The following C5orf22 variants were observed in gnomAD, a reference collection of about 807,000 sequenced individuals.
C5orf22 encodes chromosome 5 open reading frame 22.
Under a neutral mutation model 48.7 loss-of-function variants are expected in C5orf22, and 36 were observed. The ratio of observed to expected loss-of-function variants is 0.74; its 90% CI spans 0.57 to 0.98. The LOEUF (loss-of-function observed/expected upper bound fraction) is 0.98. Among genes scored for constraint, C5orf22 ranks in the 50% least tolerant of loss-of-function variants. C5orf22 has a pLI of 0.00. For synonymous variants in C5orf22, 141 were observed against 180.8 expected, an observed-to-expected ratio of 0.78 and a Z score of 1.76; for missense variants, 486 against 521.9, an observed-to-expected ratio of 0.93 and a Z score of 0.67.
At chr5:31,550,605 G>A (rs1455810538) in intron 7 of C5orf22, among the ~76,000 whole-genome samples, 1 of 151,516 alleles carries the variant, frequency 6.6e-6, no homozygotes. Flanking sequence ...CGCTCTTGTT[G>A]CCCAGGCTGG....
intron 3 of C5orf22, among the ~76,000 whole-genome samples, chr5:31,536,477 C>T (rs1424352720): frequency 1.5e-4 from 23 of 152,120 alleles, no homozygotes; most frequent in East Asian, 1.9e-4. Flanking sequence ...GAGCTGAGAT[C>T]GTGCCACTGT....
chr5:31,551,458 C>T lies in C5orf22; in HGVS notation c.1199+26C>T, dbSNP rs1362447414. ...GTAAGTGTGTTCAGCAGAATAATGG[C>T]AAATCAGAGATGTGCACATCCTAAT... On this transcript the variant is annotated intron_variant, in intron 8 of 8. Transcript: ENST00000325366. 1.9e-6 allele frequency: 3 copies of T among 1,568,592 alleles called. No homozygotes were observed. The South Asian group carries it at 3.4e-5, about 18-fold the overall frequency.
At chr5:31,549,560 G>A (rs1257155942) in intron 7 of C5orf22, among the ~76,000 whole-genome samples, 2 of 151,812 alleles carry the variant, frequency 1.3e-5, no homozygotes, top group Admixed American at 6.6e-5. Context: ...TAAGAAGATC[G>A]TTATAAGATA....
chr5:31,541,002 CCTAA>C lies in C5orf22; in HGVS notation c.863_866del (p.Leu288GlnfsTer6). On this transcript the variant is annotated frameshift_variant, in exon 5 of 9. Transcript: ENST00000325366. LOFTEE classifies it high-confidence loss of function. ...ACCAATTTAAGAAACCTGGCACCAA[CCTAA>C]CAGAGGTATCCTCCATTTGTTTCTT... 1 of 1,609,546 alleles carries C rather than the reference CCTAA, an allele frequency of 6.2e-7. No individual in the cohort carries two copies. The highest frequency in any genetic ancestry group is 1.1e-5 in the South Asian group (1 of 90,846).
chr5:31,535,771 G>T lies in C5orf22; in HGVS notation c.255G>T (p.Met85Ile), dbSNP rs1742029602. The change falls in exon 3 of 9, where the codon ATG (methionine) becomes ATT (isoleucine). Residue 85 changes from methionine (M) to isoleucine (I), a missense_variant. Coordinates refer to ENST00000325366, the MANE Select transcript of C5orf22 (RefSeq NM_018356.3). ...FGELSIENWIMPAVYAGHFSH... is the reference protein window; with the variant it reads ...FGELSIENWIIPAVYAGHFSH... ...AATTAAGTATTGAAAATTGGATTATGCCTGCAGTTTATGCTGGCCATTTTT... is the reference window on the plus strand; with the variant it reads ...AATTAAGTATTGAAAATTGGATTATTCCTGCAGTTTATGCTGGCCATTTTT... 6 of 1,609,476 alleles carry T rather than the reference G, an allele frequency of 3.7e-6. No homozygotes were observed. Among genetic ancestry groups the T allele is most frequent in the Non-Finnish European group, 5.1e-6 (6 of 1,178,382 alleles).
rs1580467605 is a variant in C5orf22, at chr5:31,553,161, T to TTTG, written c.*261_*262insGTT. ...GTATTTTTTAGGGTTTTGTTTTTTTTTTTGTTTGTTTGTTTGTTTGTCTTC... is the reference window on the plus strand; with the variant it reads ...GTATTTTTTAGGGTTTTGTTTTTTTTTTGTTTGTTTGTTTGTTTGTTTGTCTTC... On this transcript the variant is annotated 3_prime_UTR_variant, in exon 9 of 9. Coordinates refer to ENST00000325366, the MANE Select transcript of C5orf22 (RefSeq NM_018356.3). 5 of 249,566 alleles carry TTTG rather than the reference T, an allele frequency of 2.0e-5. No homozygotes were observed. Among genetic ancestry groups the TTTG allele is most frequent in the Non-Finnish European group, 3.1e-5 (4 of 127,576 alleles). 15.5% of individuals were successfully genotyped at this position (249,566 alleles called of 1,614,324 possible).
chr5:31,549,192 C>T (rs1008974086), intron 7 of C5orf22, among the ~76,000 whole-genome samples: 6 of 152,176 alleles, frequency 3.9e-5, no homozygotes, highest in African/African-American at 1.4e-4. Flanking sequence ...GTACTCCAGC[C>T]TGGGCAAAAA....
At chr5:31,552,677 T>G in intron 8 of C5orf22, 96 bp from the exon 9 acceptor site, 1 of 1,122,676 alleles carries the variant, frequency 8.9e-7, no homozygotes, top group South Asian at 1.6e-5. Flanking sequence ...ACACCTTAAT[T>G]TCTGTTTTAC....
At chr5:31,547,267 G>A (rs1434773941) in intron 7 of C5orf22, among the ~76,000 whole-genome samples, 2 of 152,228 alleles carry the variant, frequency 1.3e-5, no homozygotes, top group South Asian at 4.1e-4. Context: ...TTCTGCCCCT[G>A]TGGCTTTGCG....
intron 6 of C5orf22, among the ~76,000 whole-genome samples, chr5:31,545,256 C>T (rs1442832550): frequency 6.6e-6 from 1 of 152,020 alleles, no homozygotes; most frequent in Non-Finnish European, 1.5e-5. Flanking sequence ...CAGGGTTTCA[C>T]CACATTGGCC....
chr5:31,541,288 T>A lies in C5orf22; in HGVS notation c.878T>A (p.Leu293Ter). ...TTTTCAATGTATTTAAAGGAAGATT[T>A]GGTAGATATTGTTGATACTCGAATT... ...KPGTNLTEED[L>*]VDIVDTRIHQ... Residue 293 changes from leucine (L) to a stop codon, truncating the protein, a stop_gained, in exon 6 of 9, where the codon TTG (leucine) becomes TAG (stop). Transcript: ENST00000325366. LOFTEE classifies it high-confidence loss of function. The A allele has an allele frequency of 6.2e-7, 1 of 1,610,754 alleles. No individual in the cohort carries two copies. The highest frequency in any genetic ancestry group is 8.5e-7 in the Non-Finnish European group (1 of 1,177,012).
intron 7 of C5orf22, among the ~76,000 whole-genome samples, chr5:31,549,472 T>G (rs1743113673): frequency 6.6e-6 from 1 of 152,152 alleles, no homozygotes; most frequent in South Asian, 2.1e-4. Context: ...TTAACTTTTT[T>G]TTTTTTCCCC....
chr5:31,552,704 G>A, intron 8 of C5orf22, 69 bp from the exon 9 acceptor site: 1 of 1,373,378 alleles, frequency 7.3e-7, no homozygotes, highest in East Asian at 2.3e-5. Context: ...ATGAACACAT[G>A]CAGCTTTTCC....
chr5:31,537,985 T>C (rs1329273824), intron 3 of C5orf22, among the ~76,000 whole-genome samples: 2 of 152,248 alleles, frequency 1.3e-5, no homozygotes, highest in East Asian at 1.9e-4. Flanking sequence ...AAGCTCTGCA[T>C]GCTTTTCTTC....
At chr5:31,535,972 G>C in intron 3 of C5orf22, 79 bp downstream of exon 3, 1 of 1,392,572 alleles carries the variant, frequency 7.2e-7, no homozygotes, top group Non-Finnish European at 1.0e-6. Flanking sequence ...AACTTCATAA[G>C]TCTCTGCACA....
chr5:31,534,405 A>C lies in C5orf22; in HGVS notation c.215A>C (p.Glu72Ala), dbSNP rs1474773867. 6.2e-7 allele frequency: 1 copy of C among 1,610,026 alleles called. No individual in the cohort carries two copies. The highest frequency in any genetic ancestry group is 8.5e-7 in the Non-Finnish European group (1 of 1,179,078). Residue 72 changes from glutamate (E) to alanine (A), a missense_variant, in exon 2 of 9, where the codon GAA (glutamate) becomes GCA (alanine). Glu to Ala is a moderately radical substitution (Grantham distance 107, BLOSUM62 -1). Around this residue, in one of 3 missense-constraint regions of C5orf22, gnomAD observed 408 missense variants for 444.0 expected, o/e 0.92. Transcript: ENST00000325366. ...NMPADTVFDK[E>A]TLFGELSIEN... ...CCAGCAGACACCGTGTTTGATAAGG[A>C]AACACTCTTTGGGTAATATGTGATT...
At chr5:31,543,626 T>C (rs1043493333) in intron 6 of C5orf22, among the ~76,000 whole-genome samples, 2 of 152,176 alleles carry the variant, frequency 1.3e-5, no homozygotes, top group Non-Finnish European at 2.9e-5. Flanking sequence ...TATAGGGTTC[T>C]AAAATGATTC....
intron 6 of C5orf22, 96 bp downstream of exon 6, chr5:31,541,498 G>GCTGAA: frequency 6.6e-6 from 9 of 1,368,676 alleles, no homozygotes; most frequent in Non-Finnish European, 9.1e-6. Flanking sequence ...TAAAAAAGTA[G>GCTGAA]TATTCAGCTA....
chr5:31,540,918 TGG>T, intron 4 of C5orf22, 29 bp from the exon 5 acceptor site: 1 of 1,531,874 alleles, frequency 6.5e-7, no homozygotes, highest in Non-Finnish European at 9.0e-7. Context: ...TTTTTTTTTC[TGG>T]TATGTGGATT....
Sources: allele counts gnomAD v4.1 joint callset (sites outside exome capture counted in the v4.1 genomes callset), GRCh38; gene constraint gnomAD v4.1.1; regional missense constraint gnomAD v4.1.1; transcripts MANE v1.5; gene names NCBI Gene and HGNC (gene_info 2026-07-23, HGNC 2026-07-21).